MYO3B: variants seen among roughly 807,000 people sequenced by gnomAD.
MYO3B encodes myosin-IIIb.
Under a neutral mutation model 174.6 loss-of-function variants are expected in MYO3B, and 156 were observed. The observed-to-expected ratio is 0.89, with a 90% CI of 0.78 to 1.02. The LOEUF is 1.02. Ranked by LOEUF, MYO3B falls within the 50% of genes least tolerant of loss-of-function variation. MYO3B has a pLI of 0.00. For synonymous variants in MYO3B, 563 were observed against 569.1 expected (o/e 0.99, Z 0.15); for missense variants, 1,632 against 1,639.4 (o/e 1.00, Z 0.08).
intron 23 of MYO3B, among the ~76,000 whole-genome samples, chr2:170,457,209 A>G (rs1683958651): frequency 6.6e-6 from 1 of 152,210 alleles, no homozygotes; most frequent in Non-Finnish European, 1.5e-5. Context: ...ACTCCTGTAG[A>G]CTTTATAAAT....
At chr2:170,490,459 T>A (rs747274911) in intron 25 of MYO3B, among the ~76,000 whole-genome samples, 4 of 152,234 alleles carry the variant, frequency 2.6e-5, no homozygotes, top group Non-Finnish European at 5.9e-5. Context: ...TACACTGGAT[T>A]TTCTATTCAA....
intron 7 of MYO3B, among the ~76,000 whole-genome samples, chr2:170,331,553 C>A (rs966419521): frequency 6.6e-6 from 1 of 152,218 alleles, no homozygotes; most frequent in Non-Finnish European, 1.5e-5. Flanking sequence ...CATAACAAAT[C>A]ACCACAAACT....
chr2:170,246,237 GT>G (rs2093187650), intron 7 of MYO3B, among the ~76,000 whole-genome samples: 1 of 151,998 alleles, frequency 6.6e-6, no homozygotes, highest in Non-Finnish European at 1.5e-5. Context: ...CCACCCCATG[GT>G]TGATAATTGA....
chr2:170,204,448 T>A (rs1483281871), intron 3 of MYO3B, among the ~76,000 whole-genome samples: 1 of 152,232 alleles, frequency 6.6e-6, no homozygotes, highest in African/African-American at 2.4e-5. Flanking sequence ...GGTGATTGTG[T>A]TGCATGGGCC....
chr2:170,643,779 C>T (rs1177251068), intron 32 of MYO3B: 1 of 152,290 alleles, frequency 6.6e-6, no homozygotes, highest in East Asian at 1.9e-4. Flanking sequence ...CTCTCCCTTT[C>T]TTCCCAGGAC....
chr2:170,539,551 A>G (rs1455666460), intron 30 of MYO3B, among the ~76,000 whole-genome samples: 4 of 152,194 alleles, frequency 2.6e-5, no homozygotes, highest in African/African-American at 9.6e-5. Flanking sequence ...TTGGCTCCAT[A>G]TGAATGTCCT....
chr2:170,495,225 A>C (rs1213844365), intron 25 of MYO3B, among the ~76,000 whole-genome samples: 1 of 152,232 alleles, frequency 6.6e-6, no homozygotes, highest in Non-Finnish European at 1.5e-5. Flanking sequence ...TCCCTTCCTG[A>C]TGGACCTCTT....
intron 26 of MYO3B, 114 bp from the exon 27 acceptor site, chr2:170,499,532 C>T: frequency 4.1e-6 from 4 of 972,542 alleles, no homozygotes; most frequent in Non-Finnish European, 6.0e-6. Flanking sequence ...AGTCACATCG[C>T]TATAAACTTT....
At chr2:170,557,883 G>T (rs1406916548) in intron 32 of MYO3B, among the ~76,000 whole-genome samples, 2 of 152,168 alleles carry the variant, frequency 1.3e-5, no homozygotes, top group African/African-American at 4.8e-5. Flanking sequence ...AAGCTCACAT[G>T]TGAGAGATAC....
At position 170,591,714 on chromosome 2, in the gene MYO3B, C is replaced by A. The variant is rs151326215; in HGVS notation, c.3733+47726C>A. Among the ~76,000 whole-genome samples the A allele has an allele frequency of 4.6e-5, 7 of 152,292 alleles. No individual in the cohort carries two copies. The East Asian group carries it at 1.3e-3, about 29-fold the overall frequency. ...GTTTCAGGGGTTAGGAACTAAAGCC[C>A]AGAGCATGTGATTGGCCCAAGGCCA... On this transcript the variant is annotated intron_variant, in intron 32 of 34. Transcript: ENST00000408978.
chr2:170,319,972 CAG>C (rs2093803726), intron 7 of MYO3B, among the ~76,000 whole-genome samples: 1 of 152,112 alleles, frequency 6.6e-6, no homozygotes, highest in Non-Finnish European at 1.5e-5. Context: ...CCCAGATAAA[CAG>C]AGGTTGAGAG....
At chr2:170,192,474 A>AT (rs907740583) in intron 1 of MYO3B, among the ~76,000 whole-genome samples, 1 of 147,232 alleles carries the variant, frequency 6.8e-6, no homozygotes. Context: ...TGATTAATCT[A>AT]TTTTATCTAT....
chr2:170,551,058 C>T (rs963806637), intron 32 of MYO3B, among the ~76,000 whole-genome samples: 17 of 151,922 alleles, frequency 1.1e-4, no homozygotes, highest in Non-Finnish European at 7.4e-5. Context: ...GCCACCACAC[C>T]TGGCTTTTTT....
chr2:170,479,994 ATATG>A (rs1685581001), intron 25 of MYO3B, among the ~76,000 whole-genome samples: 1 of 147,922 alleles, frequency 6.8e-6, no homozygotes, highest in Admixed American at 6.8e-5. Context: ...AAACCTATAT[ATATG>A]TGTGTATGTA....
chr2:170,232,086 T>A (rs184133202), intron 6 of MYO3B, among the ~76,000 whole-genome samples: 2 of 152,314 alleles, frequency 1.3e-5, no homozygotes, highest in Admixed American at 1.3e-4. Context: ...CTTGCCTTCG[T>A]CAGTCTCCTT....
intron 6 of MYO3B, among the ~76,000 whole-genome samples, chr2:170,225,860 G>A (rs36113450): frequency 0.033 from 4,963 of 152,310 alleles, 98 homozygotes; most frequent in African/African-American, 0.055. Context: ...GTTCAGGGCA[G>A]TGCCAGACGC....
intron 32 of MYO3B, among the ~76,000 whole-genome samples, chr2:170,592,390 G>A (rs1200147950): frequency 6.6e-6 from 1 of 152,160 alleles, no homozygotes; most frequent in Non-Finnish European, 1.5e-5. Context: ...GGGTGAAGAG[G>A]AAAGAGAAAT....
intron 32 of MYO3B, among the ~76,000 whole-genome samples, chr2:170,585,926 CGCGTGCCTGTAGTCCCA>C (rs1693472885): frequency 6.6e-6 from 1 of 152,150 alleles, no homozygotes; most frequent in Non-Finnish European, 1.5e-5. Context: ...GGCATGGTGG[CGCGTGCCTGTAGTCCCA>C]GCTACTTGGG....
intron 8 of MYO3B, chr2:170,338,264 T>A (rs2093957926): frequency 6.6e-6 from 1 of 151,702 alleles, no homozygotes; most frequent in African/African-American, 2.4e-5. Context: ...GGAGGGAGAG[T>A]CTGGAAAGTT....
Sources: allele counts gnomAD v4.1 joint callset (sites outside exome capture counted in the v4.1 genomes callset), GRCh38; gene constraint gnomAD v4.1.1; transcripts MANE v1.5; gene names NCBI Gene and HGNC (gene_info 2026-07-23, HGNC 2026-07-21).